The following DPP6 variants were observed in gnomAD, a reference collection of about 807,000 sequenced individuals.
DPP6 encodes A-type potassium channel modulatory protein DPP6.
Under a neutral mutation model 122.6 loss-of-function variants are expected in DPP6, and 69 were observed. That is an observed-to-expected ratio of 0.56 (90% CI 0.46 to 0.69). The LOEUF is 0.69. DPP6 is among the 30% of genes least tolerant of loss of function. The pLI is 0.00. For synonymous variants in DPP6, 418 were observed against 433.1 expected, an observed-to-expected ratio of 0.97 and a Z score of 0.43; for missense variants, 928 against 1,116.9, an observed-to-expected ratio of 0.83 and a Z score of 2.41.
intron 2 of DPP6, among the ~76,000 whole-genome samples, chr7:154,472,962 AGT>A (rs1189176289): frequency 6.6e-6 from 1 of 152,260 alleles, no homozygotes; most frequent in Non-Finnish European, 1.5e-5. Context: ...ATTTTCAGAA[AGT>A]GAATACATTG....
At chr7:154,176,343 A>G (rs1028426019) in intron 1 of DPP6, among the ~76,000 whole-genome samples, 12 of 152,248 alleles carry the variant, frequency 7.9e-5, no homozygotes, top group African/African-American at 2.7e-4. Context: ...CCCAGGCAGT[A>G]CATACAAACA....
chr7:153,965,429 A>G (rs1275376714), intron 1 of DPP6, among the ~76,000 whole-genome samples: 1 of 152,180 alleles, frequency 6.6e-6, no homozygotes, highest in Non-Finnish European at 1.5e-5. Context: ...CTGCAGTGAT[A>G]TCCTACACAG....
intron 7 of DPP6, among the ~76,000 whole-genome samples, chr7:154,698,842 G>A (rs562949801): frequency 6.4e-4 from 97 of 152,352 alleles, no homozygotes; most frequent in Non-Finnish European, 1.3e-3. Context: ...CAGAGGCAGC[G>A]ACTTCTGAGC....
In DPP6 at chr7:154,559,386, T is replaced by A. The variant is rs954568084; in HGVS notation, c.553-7456T>A. ...CCTGAACAGCATGTCAATAAGCTGT[T>A]GGACAGTATAAAGTAGACTAATATA... On this transcript the variant is annotated intron_variant, in intron 4 of 25. Transcript: ENST00000377770. Among the ~76,000 whole-genome samples the A allele has an allele frequency of 2.7e-5, 4 of 148,444 alleles. No homozygotes were observed. In the East Asian group the frequency reaches 7.8e-4, roughly 29 times the overall value.
chr7:154,439,815 G>A (rs1819205912), intron 1 of DPP6, among the ~76,000 whole-genome samples: 1 of 152,190 alleles, frequency 6.6e-6, no homozygotes, highest in African/African-American at 2.4e-5. Flanking sequence ...TGTGCCCTCA[G>A]GCAGCAACAT....
chr7:154,261,729 G>A (rs1016758836), intron 1 of DPP6, among the ~76,000 whole-genome samples: 2 of 152,026 alleles, frequency 1.3e-5, no homozygotes, highest in South Asian at 2.1e-4. Context: ...AGTGAGCTAA[G>A]GACATGAATA....
At chr7:153,817,864 T>C in the DPP6 span, among the ~76,000 whole-genome samples, 1 of 151,346 alleles carries the variant, frequency 6.6e-6, no homozygotes, top group African/African-American at 2.4e-5. Context: ...CATGTATACA[T>C]ATGTAATAAA....
intron 1 of DPP6, among the ~76,000 whole-genome samples, chr7:153,973,150 A>T (rs1343904939): frequency 6.6e-6 from 1 of 152,178 alleles, no homozygotes; most frequent in Admixed American, 6.5e-5. Context: ...GGAAAGAAAA[A>T]AAAACTACAA....
chr7:154,544,724 G>A (rs66608004), intron 4 of DPP6, among the ~76,000 whole-genome samples: 26,583 of 152,162 alleles, frequency 0.17, 2,474 homozygotes, highest in African/African-American at 0.21. Context: ...TCCCTCAGGA[G>A]TGTCGTAGGA....
At chr7:154,018,753 G>A (rs1468108406) in intron 1 of DPP6, among the ~76,000 whole-genome samples, 4 of 152,236 alleles carry the variant, frequency 2.6e-5, no homozygotes, top group African/African-American at 4.8e-5. Flanking sequence ...ATTTGCATGA[G>A]CAGAATGTAA....
intron 1 of DPP6, among the ~76,000 whole-genome samples, chr7:154,362,317 G>A (rs945877222): frequency 2.0e-5 from 3 of 152,118 alleles, no homozygotes; most frequent in South Asian, 2.1e-4. Context: ...CCTGCCCTGC[G>A]GGTTCCCAGG....
rs80035222 is a variant in DPP6, at chr7:154,301,262, T to C, written c.244-144952T>C. Among the ~76,000 whole-genome samples the C allele has an allele frequency of 4.7e-3, 711 of 152,310 alleles. 9 individuals carry two copies. The highest frequency in any genetic ancestry group is 0.045 in the East Asian group (231 of 5,182). ...TAAGGGCAGGTGAGCATGTAGTGTC[T>C]TTCTTTGCTAAGTATGTCTGATGCC... On this transcript the variant is annotated intron_variant, in intron 1 of 25. Transcript: ENST00000377770.
At chr7:154,586,277 TA>T (rs758741080) in intron 5 of DPP6, among the ~76,000 whole-genome samples, 2 of 152,028 alleles carry the variant, frequency 1.3e-5, no homozygotes, top group African/African-American at 2.4e-5. Context: ...TATTTGACCT[TA>T]AAAAAAATTG....
chr7:154,305,827 C>G (rs1042046379), intron 1 of DPP6, among the ~76,000 whole-genome samples: 1 of 151,934 alleles, frequency 6.6e-6, no homozygotes, highest in African/African-American at 2.4e-5. Context: ...GCACAGGGAA[C>G]CTCTGTCAAG....
intron 14 of DPP6, among the ~76,000 whole-genome samples, 182 bp from the exon 15 acceptor site, chr7:154,804,735 C>T (rs1229460494): frequency 2.6e-5 from 4 of 152,208 alleles, no homozygotes; most frequent in African/African-American, 9.7e-5. Flanking sequence ...TCCCTCAGCC[C>T]TTAGGTGTCT....
chr7:153,766,053 G>C, the DPP6 span, among the ~76,000 whole-genome samples: 1 of 152,182 alleles, frequency 6.6e-6, no homozygotes, highest in South Asian at 2.1e-4. Flanking sequence ...TGAGTGGTAA[G>C]GCTCCACTGC....
At chr7:154,005,960 T>C in intron 1 of DPP6, among the ~76,000 whole-genome samples, 1 of 152,110 alleles carries the variant, frequency 6.6e-6, no homozygotes, top group East Asian at 1.9e-4. Context: ...TTTTTCCTGC[T>C]CACCTTATCT....
Position 154,885,713 on chromosome 7 carries a change from T to C in DPP6, c.2214T>C (p.Ala738=), listed in dbSNP as rs561005513. Residue 738 remains alanine (A), a synonymous_variant, in exon 22 of 26, where the codon GCT becomes GCC. Transcript: ENST00000377770. The part of the protein sequence containing the change: ...NQGQTFTCGS[A]LSPITDFKLY... The stretch of plus-strand genomic sequence containing the variant: ...GCCAGACATTCACCTGCGGCTCTGC[T>C]CTCTCTCCAATAACAGACTTCAAAC... 1.1e-5 allele frequency: 17 copies of C among 1,598,654 alleles called. No homozygotes were observed. In the East Asian group the frequency reaches 3.8e-4, roughly 36 times the overall value.
the DPP6 span, among the ~76,000 whole-genome samples, chr7:153,867,824 C>T: frequency 2.6e-5 from 4 of 152,128 alleles, no homozygotes; most frequent in African/African-American, 9.7e-5. Context: ...AGATACGTCC[C>T]ATCAATACCT....
Sources: gnomAD v4.1 joint callset for allele counts (sites outside exome capture counted in the v4.1 genomes callset) on GRCh38, gnomAD v4.1.1 for gene constraint, MANE v1.5 for transcripts, NCBI Gene and HGNC (gene_info 2026-07-23, HGNC 2026-07-21) for gene names.